The following HMCN1 variants were observed in gnomAD, a reference collection of about 807,000 sequenced individuals.
HMCN1 encodes the protein hemicentin 1.
HMCN1 carries 321 observed loss-of-function variants against 625.9 expected under a neutral mutation model. The observed-to-expected ratio is 0.51, with a 90% CI of 0.47 to 0.56. HMCN1 has a LOEUF of 0.56. Among genes scored for constraint, HMCN1 ranks in the 20% least tolerant of loss-of-function variants. The pLI is 0.00. For synonymous variants in HMCN1, 2,425 were observed against 2,417.6 expected (o/e 1.00, Z -0.09); for missense variants, 6,588 against 6,887.3 (o/e 0.96, Z 1.54).
At chr1:186,011,326 G>A (rs1221436786) in intron 30 of HMCN1, among the ~76,000 whole-genome samples, 2 of 152,218 alleles carry the variant, frequency 1.3e-5, no homozygotes, top group Non-Finnish European at 2.9e-5. Context: ...TTACAGGCAT[G>A]AGCCATCGCG....
intron 29 of HMCN1, among the ~76,000 whole-genome samples, chr1:186,006,478 G>A (rs756931449): frequency 1.1e-4 from 17 of 152,118 alleles, no homozygotes; most frequent in African/African-American, 2.6e-4. Context: ...TAAACTGAGC[G>A]TTTTATAGTA....
At chr1:185,861,680 T>C (rs183014453) in intron 2 of HMCN1, among the ~76,000 whole-genome samples, 123 of 152,338 alleles carry the variant, frequency 8.1e-4, no homozygotes, top group African/African-American at 2.1e-3. Context: ...AAGGTCATTG[T>C]TGCACATGAT....
intron 106 of HMCN1, 140 bp from the exon 107 acceptor site, chr1:186,189,369 AGAC>A: frequency 2.5e-6 from 2 of 792,070 alleles, no homozygotes; most frequent in South Asian, 3.1e-5. Flanking sequence ...GTGACACAGA[AGAC>A]GACTGAGTCT....
In HMCN1 at chr1:185,951,524, C is replaced by G. The variant is rs182755739; in HGVS notation, c.1829-10994C>G. On this transcript the variant is annotated intron_variant, in intron 11 of 106. Transcript: ENST00000271588. ...CCCGAAGCTCAGTGTCCATGATGGTCTAGGGGGCTTCTGAGGCGATCGGGC... is the reference window on the plus strand; with the variant it reads ...CCCGAAGCTCAGTGTCCATGATGGTGTAGGGGGCTTCTGAGGCGATCGGGC... 7.4e-4 allele frequency among the ~76,000 whole-genome samples: 111 copies of G among 150,314 alleles called. 2 individuals carry two copies. Among genetic ancestry groups the G allele is most frequent in the African/African-American group, 2.6e-3 (107 of 41,130 alleles).
intron 1 of HMCN1, among the ~76,000 whole-genome samples, chr1:185,741,224 A>G (rs1653974484): frequency 6.6e-6 from 1 of 152,084 alleles, no homozygotes; most frequent in African/African-American, 2.4e-5. Flanking sequence ...TTTTCTTTAA[A>G]AATTACCCAG....
chr1:186,093,009 G>A lies in HMCN1; in HGVS notation c.9888-125G>A, dbSNP rs1042801989. 10 of 1,273,638 alleles carry A rather than the reference G, an allele frequency of 7.9e-6. No homozygotes were observed. In the African/African-American group the frequency reaches 1.3e-4, roughly 17 times the overall value. 78.9% of individuals were successfully genotyped at this position (1,273,638 alleles called of 1,614,324 possible). A position where few individuals can be genotyped will look rare whatever the true frequency, so the allele number is the denominator to read the frequency against. ...GGTGGTAGATATGAGACTCGCTACT[G>A]TAGAATTTCAGTTGGTTGCTTGAAT... On this transcript the variant is annotated intron_variant, in intron 64 of 106. Coordinates refer to ENST00000271588, the MANE Select transcript of HMCN1 (RefSeq NM_031935.3).
At chr1:185,920,509 C>T (rs1666949763) in intron 6 of HMCN1, among the ~76,000 whole-genome samples, 1 of 152,054 alleles carries the variant, frequency 6.6e-6, no homozygotes, top group Non-Finnish European at 1.5e-5. Flanking sequence ...AACCTATATT[C>T]TTATTTTGCA....
intron 1 of HMCN1, among the ~76,000 whole-genome samples, chr1:185,746,870 G>A (rs1384937424): frequency 6.6e-6 from 1 of 152,014 alleles, no homozygotes; most frequent in Non-Finnish European, 1.5e-5. Flanking sequence ...GCCGCCCAAA[G>A]TGTTGGGATT....
chr1:185,887,098 G>A (rs966547170), intron 4 of HMCN1, among the ~76,000 whole-genome samples: 2 of 151,904 alleles, frequency 1.3e-5, no homozygotes, highest in African/African-American at 4.8e-5. Flanking sequence ...TCTTTCAAGG[G>A]TCATCTTTTG....
intron 6 of HMCN1, among the ~76,000 whole-genome samples, chr1:185,916,848 C>G (rs73062169): frequency 1.6e-4 from 25 of 152,126 alleles, no homozygotes; most frequent in African/African-American, 6.0e-4. Flanking sequence ...GGAACCCAAG[C>G]TGATGGAGGC....
At chr1:185,782,306 C>T (rs1657186125) in intron 1 of HMCN1, among the ~76,000 whole-genome samples, 1 of 152,176 alleles carries the variant, frequency 6.6e-6, no homozygotes, top group Admixed American at 6.5e-5. Context: ...ATCCAATTTG[C>T]CCATCTGTGT....
rs143885527 is a variant in HMCN1 at position 185,918,164 on chromosome 1, G to A, written c.901-4215G>A. On this transcript the variant is annotated intron_variant, in intron 6 of 106. Coordinates refer to ENST00000271588, the MANE Select transcript of HMCN1 (RefSeq NM_031935.3). ...CTGCAAGCTGGGGAAGAAAGAAGCCGGTAGTGACTCAGTCCAAGTCCAAAA... is the reference window on the plus strand; with the variant it reads ...CTGCAAGCTGGGGAAGAAAGAAGCCAGTAGTGACTCAGTCCAAGTCCAAAA... Among the ~76,000 whole-genome samples, 1,430 of 152,240 alleles carry A rather than the reference G, an allele frequency of 9.4e-3. 29 individuals carry two copies. Among genetic ancestry groups the A allele is most frequent in the Non-Finnish European group, 8.2e-3 (557 of 68,006 alleles).
intron 4 of HMCN1, among the ~76,000 whole-genome samples, chr1:185,877,363 G>A (rs1445196696): frequency 2.0e-5 from 2 of 102,462 alleles, no homozygotes; most frequent in African/African-American, 3.7e-5. Context: ...CCAGTACCAT[G>A]CTCGCCTTGT....
chr1:185,920,224 CA>C lies in HMCN1; in HGVS notation c.901-2154del, dbSNP rs1666934056. On this transcript the variant is annotated intron_variant, in intron 6 of 106. Coordinates refer to ENST00000271588, the MANE Select transcript of HMCN1 (RefSeq NM_031935.3). The stretch of plus-strand genomic sequence containing the variant: ...CTGTTTTAAAAACTTTAAATTAGCT[CA>C]TTTTTTTTCTTTTTATTGTATGTTT... Among the ~76,000 whole-genome samples, 4 of 151,998 alleles carry C rather than the reference CA, an allele frequency of 2.6e-5. No individual in the cohort carries two copies. In the South Asian group the frequency reaches 6.2e-4, roughly 24 times the overall value.
At chr1:185,764,055 G>C (rs538023131) in intron 1 of HMCN1, among the ~76,000 whole-genome samples, 1 of 152,256 alleles carries the variant, frequency 6.6e-6, no homozygotes, top group Non-Finnish European at 1.5e-5. Context: ...AAGGAAGCCA[G>C]TTCCTGACTG....
intron 6 of HMCN1, among the ~76,000 whole-genome samples, chr1:185,913,885 A>G (rs1447463564): frequency 6.6e-6 from 1 of 152,156 alleles, no homozygotes; most frequent in African/African-American, 2.4e-5. Context: ...AGAAGTAATG[A>G]GGATTAGTTC....
At position 186,101,744 on chromosome 1, in the gene HMCN1, A is replaced by C. The variant is rs1571353586; in HGVS notation, c.10574-1728A>C. On this transcript the variant is annotated intron_variant, in intron 68 of 106. Coordinates refer to ENST00000271588, the MANE Select transcript of HMCN1 (RefSeq NM_031935.3). ...AAACTTTGGGGTGGGGGCAGTGAGC[A>C]TGCCTTATTAATCTTTGTATTCATG... Among the ~76,000 whole-genome samples, 6 of 152,228 alleles carry C rather than the reference A, an allele frequency of 3.9e-5. 1 individual carries two copies. The highest frequency in any genetic ancestry group is 1.4e-4 in the African/African-American group (6 of 41,560).
chr1:186,036,595 CT>C lies in HMCN1; in HGVS notation c.5750-1327del, dbSNP rs199705709. On this transcript the variant is annotated intron_variant, in intron 36 of 106. Transcript: ENST00000271588. The stretch of plus-strand genomic sequence containing the variant: ...CATATCACCCATACAAGTATTTTTT[CT>C]TTTTTTTTTTTGAGGTGGAGTTTCG... 4.6e-3 allele frequency among the ~76,000 whole-genome samples: 661 copies of C among 144,856 alleles called. 3 individuals carry two copies. The highest frequency in any genetic ancestry group is 0.013 in the African/African-American group (506 of 39,698).
In HMCN1 at chr1:185,751,760, T is replaced by A. The variant is rs951018935; in HGVS notation, c.268+16713T>A. ...TTCTCTTCAGTTCTGTCCAATCTACTCTTTAAGCCATCCATTACATTTTCA... is the reference window on the plus strand; with the variant it reads ...TTCTCTTCAGTTCTGTCCAATCTACACTTTAAGCCATCCATTACATTTTCA... On this transcript the variant is annotated intron_variant, in intron 1 of 106. Coordinates refer to ENST00000271588, the MANE Select transcript of HMCN1 (RefSeq NM_031935.3). 5.3e-5 allele frequency among the ~76,000 whole-genome samples: 8 copies of A among 152,250 alleles called. No individual in the cohort carries two copies. The South Asian group carries it at 1.7e-3, about 32-fold the overall frequency.
Sources: allele counts gnomAD v4.1 joint callset (sites outside exome capture counted in the v4.1 genomes callset), GRCh38; gene constraint gnomAD v4.1.1; transcripts MANE v1.5; gene names NCBI Gene and HGNC (gene_info 2026-07-23, HGNC 2026-07-21).